Variants in KCNQ5 observed in about 807,000 individuals in gnomAD.
The protein encoded by KCNQ5 is potassium voltage-gated channel subfamily KQT member 5.
KCNQ5 carries 30 observed loss-of-function variants against 98.2 expected under a neutral mutation model. That is an observed-to-expected ratio of 0.31 (90% CI 0.23 to 0.41). The LOEUF is 0.41. Among genes scored for constraint, KCNQ5 ranks in the 10% least tolerant of loss-of-function variants. The pLI, the probability that KCNQ5 is intolerant of heterozygous loss-of-function variation, is 1.00. For missense variants in KCNQ5, 835 were observed against 1,182.5 expected, an observed-to-expected ratio of 0.71 and a Z score of 4.31; for synonymous variants, 458 against 449.4, an observed-to-expected ratio of 1.02 and a Z score of -0.24.
At chr6:73,071,478 G>A (rs1483402307) in intron 3 of KCNQ5, among the ~76,000 whole-genome samples, 1 of 152,010 alleles carries the variant, frequency 6.6e-6, no homozygotes, top group Non-Finnish European at 1.5e-5. Flanking sequence ...TATAATAAAG[G>A]AATACACAAA....
At chr6:72,966,821 C>G (rs1022054462) in intron 1 of KCNQ5, among the ~76,000 whole-genome samples, 15 of 152,186 alleles carry the variant, frequency 9.9e-5, no homozygotes, top group Non-Finnish European at 2.9e-5. Context: ...AGCACTTCCT[C>G]TGTGACTCAA....
intron 1 of KCNQ5, among the ~76,000 whole-genome samples, chr6:72,856,962 A>C (rs1363468263): frequency 2.0e-5 from 3 of 152,224 alleles, no homozygotes; most frequent in Non-Finnish European, 4.4e-5. Flanking sequence ...ATGCTTAAGC[A>C]GAACAAAGAA....
chr6:73,007,318 G>C (rs141484964), intron 2 of KCNQ5, among the ~76,000 whole-genome samples: 89 of 152,146 alleles, frequency 5.8e-4, no homozygotes, highest in Non-Finnish European at 1.1e-3. Flanking sequence ...GACTATAGTC[G>C]GGCTCCATGA....
At chr6:72,675,240 G>A (rs1012311983) in intron 1 of KCNQ5, among the ~76,000 whole-genome samples, 2 of 152,034 alleles carry the variant, frequency 1.3e-5, no homozygotes, top group African/African-American at 2.4e-5. Flanking sequence ...GCTGTCTTGA[G>A]GACACATAAG....
intron 1 of KCNQ5, among the ~76,000 whole-genome samples, chr6:72,668,585 A>T (rs1186995399): frequency 6.6e-6 from 1 of 152,028 alleles, no homozygotes; most frequent in Non-Finnish European, 1.5e-5. Flanking sequence ...CAGGTGATTC[A>T]TTAGTAGATG....
At chr6:73,159,582 A>C (rs971195668) in intron 10 of KCNQ5, among the ~76,000 whole-genome samples, 4 of 152,242 alleles carry the variant, frequency 2.6e-5, no homozygotes, top group African/African-American at 9.6e-5. Flanking sequence ...AGCAATGTCA[A>C]AGTGTACCAA....
chr6:72,687,712 C>T (rs1457614594), intron 1 of KCNQ5, among the ~76,000 whole-genome samples: 9 of 151,998 alleles, frequency 5.9e-5, no homozygotes, highest in Admixed American at 2.0e-4. Context: ...GTGTCTCAAA[C>T]TGTAGAATGA....
intron 1 of KCNQ5, among the ~76,000 whole-genome samples, chr6:72,715,054 T>G (rs901483404): frequency 1.7e-4 from 26 of 152,194 alleles, no homozygotes; most frequent in Admixed American, 6.5e-5. Context: ...AACATAGTAT[T>G]TGTTCCTGTC....
At chr6:72,703,318 A>G (rs564457232) in intron 1 of KCNQ5, among the ~76,000 whole-genome samples, 1 of 152,252 alleles carries the variant, frequency 6.6e-6, no homozygotes, top group South Asian at 2.1e-4. Context: ...TTTTAGACTC[A>G]GCTCCCATAT....
rs937869359 is a variant in KCNQ5, at chr6:73,002,011, C to A, written c.399-1897C>A. On this transcript the variant is annotated intron_variant, in intron 1 of 13. Transcript: ENST00000370398. ...TGCTGGCCTGCGCCTATAGTCCCAG[C>A]TCTCAGGAGGCTGAGGTGGGAGGAT... Among the ~76,000 whole-genome samples, 3 of 758 alleles carry A rather than the reference C, an allele frequency of 4.0e-3. No individual in the cohort carries two copies. The Non-Finnish European group carries it at 0.048, about 12-fold the overall frequency. 0.5% of individuals were successfully genotyped at this position (758 alleles called of 152,430 possible).
chr6:73,104,829 G>A (rs557304406), intron 5 of KCNQ5, among the ~76,000 whole-genome samples: 21 of 152,042 alleles, frequency 1.4e-4, no homozygotes, highest in Admixed American at 6.5e-5. Context: ...CCTCATTTTT[G>A]TTCCACTACA....
chr6:73,124,538 G>A, intron 9 of KCNQ5, 26 bp downstream of exon 9: 2 of 1,610,230 alleles, frequency 1.2e-6, no homozygotes, highest in South Asian at 2.2e-5. Context: ...CTTGCTACAT[G>A]TTTGTTTATA....
chr6:73,121,869 C>T (rs1775765898), intron 8 of KCNQ5, among the ~76,000 whole-genome samples: 2 of 152,186 alleles, frequency 1.3e-5, no homozygotes, highest in Admixed American at 6.5e-5. Context: ...AAGATGATTC[C>T]TAAGCTCTAA....
At chr6:73,142,613 A>G (rs1776767142) in intron 10 of KCNQ5, among the ~76,000 whole-genome samples, 1 of 152,160 alleles carries the variant, frequency 6.6e-6, no homozygotes, top group African/African-American at 2.4e-5. Flanking sequence ...TACTGCAGCA[A>G]CAAGTTAAAT....
chr6:72,827,188 G>C (rs538315150), intron 1 of KCNQ5, among the ~76,000 whole-genome samples: 1 of 152,048 alleles, frequency 6.6e-6, no homozygotes, highest in Admixed American at 6.6e-5. Flanking sequence ...ATAAACATGG[G>C]GGTGCAGAAG....
chr6:72,895,491 G>A (rs1171312268), intron 1 of KCNQ5, among the ~76,000 whole-genome samples: 2 of 151,608 alleles, frequency 1.3e-5, no homozygotes, highest in African/African-American at 4.8e-5. Context: ...AAAGAAGAAA[G>A]GGTGCAGTTA....
At chr6:72,672,791 TC>T (rs1303563778) in intron 1 of KCNQ5, among the ~76,000 whole-genome samples, 1 of 152,214 alleles carries the variant, frequency 6.6e-6, no homozygotes, top group Non-Finnish European at 1.5e-5. Flanking sequence ...CTAATATTTA[TC>T]ACTTTCATTT....
At chr6:72,760,148 AG>A (rs1482915523) in intron 1 of KCNQ5, among the ~76,000 whole-genome samples, 1 of 152,158 alleles carries the variant, frequency 6.6e-6, no homozygotes, top group African/African-American at 2.4e-5. Flanking sequence ...CTTCAAAGCA[AG>A]GGTATGCAAC....
intron 1 of KCNQ5, among the ~76,000 whole-genome samples, chr6:72,936,385 A>C (rs1765918642): frequency 6.6e-6 from 1 of 152,224 alleles, no homozygotes; most frequent in Non-Finnish European, 1.5e-5. Flanking sequence ...CATCTGACTT[A>C]TTCTGGCTTT....
Sources: allele counts gnomAD v4.1 joint callset (sites outside exome capture counted in the v4.1 genomes callset), GRCh38; gene constraint gnomAD v4.1.1; transcripts MANE v1.5; gene names NCBI Gene and HGNC (gene_info 2026-07-23, HGNC 2026-07-21).